SLIT3: variants seen among roughly 807,000 people sequenced by gnomAD.
The protein encoded by SLIT3 is slit guidance ligand 3, also known as slit homolog 3 protein.
In SLIT3, 68 loss-of-function variants were observed where a neutral mutation model predicts 184.0. The ratio of observed to expected loss-of-function variants is 0.37; its 90% confidence interval spans 0.30 to 0.45. The LOEUF (loss-of-function observed/expected upper bound fraction) is 0.45. Ranked by LOEUF, SLIT3 falls within the 20% of genes least tolerant of loss-of-function variation. SLIT3 has a pLI of 1.00. For synonymous variants in SLIT3, 831 were observed against 828.6 expected, an observed-to-expected ratio of 1.00 and a Z score of -0.05; for missense variants, 1,707 against 2,026.0, an observed-to-expected ratio of 0.84 and a Z score of 3.02.
intron 4 of SLIT3, among the ~76,000 whole-genome samples, chr5:169,099,223 C>T (rs763883691): frequency 1.2e-4 from 18 of 152,148 alleles, no homozygotes; most frequent in Non-Finnish European, 1.8e-4. Context: ...TCTCAGGTTA[C>T]GGTTTGTGTT....
intron 4 of SLIT3, among the ~76,000 whole-genome samples, chr5:169,068,465 G>A (rs1758432967): frequency 6.6e-6 from 1 of 152,090 alleles, no homozygotes. Flanking sequence ...GAAGCCTGGG[G>A]CCAAGTCAGA....
chr5:169,220,482 C>T (rs1464245417), intron 3 of SLIT3, among the ~76,000 whole-genome samples: 1 of 152,114 alleles, frequency 6.6e-6, no homozygotes. Flanking sequence ...AAATGATTCT[C>T]TTCTCCAACT....
At chr5:168,918,583 G>A (rs970383576) in intron 4 of SLIT3, among the ~76,000 whole-genome samples, 1 of 152,156 alleles carries the variant, frequency 6.6e-6, no homozygotes, top group African/African-American at 2.4e-5. Context: ...CATTTATTAT[G>A]CTCAGGTGGA....
At chr5:168,974,241 C>G (rs1358288743) in intron 4 of SLIT3, among the ~76,000 whole-genome samples, 1 of 152,188 alleles carries the variant, frequency 6.6e-6, no homozygotes, top group Non-Finnish European at 1.5e-5. Flanking sequence ...ACTGCCTTCT[C>G]CTGCTTCACA....
intron 4 of SLIT3, among the ~76,000 whole-genome samples, chr5:169,130,005 C>T (rs769116918): frequency 2.0e-5 from 3 of 152,104 alleles, no homozygotes; most frequent in Non-Finnish European, 4.4e-5. Flanking sequence ...CCCACAACTG[C>T]GCCGGGCTAA....
At chr5:168,708,171 G>C (rs781003966) in intron 25 of SLIT3, 71 bp from the exon 26 acceptor site, 1 of 1,606,478 alleles carries the variant, frequency 6.2e-7, no homozygotes, top group South Asian at 1.1e-5. Context: ...CTTCCCCTCT[G>C]CTCTGGGCCC....
At chr5:169,207,144 C>T (rs1163343916) in intron 3 of SLIT3, among the ~76,000 whole-genome samples, 3 of 151,686 alleles carry the variant, frequency 2.0e-5, no homozygotes, top group African/African-American at 4.8e-5. Flanking sequence ...TAAGAGCCCC[C>T]GCTCACCTCG....
intron 4 of SLIT3, among the ~76,000 whole-genome samples, chr5:168,952,375 C>A (rs1489666934): frequency 6.6e-6 from 1 of 152,032 alleles, no homozygotes; most frequent in Admixed American, 6.5e-5. Context: ...GAGCTCAGCT[C>A]ACGTTTACAT....
intron 4 of SLIT3, among the ~76,000 whole-genome samples, chr5:168,886,300 G>A (rs564647305): frequency 6.7e-4 from 102 of 152,276 alleles, no homozygotes; most frequent in African/African-American, 2.2e-3. Context: ...CTGATGGGGC[G>A]TGGAGGAGGG....
At chr5:168,837,417 G>T (rs1219202132) in intron 6 of SLIT3, among the ~76,000 whole-genome samples, 1 of 152,206 alleles carries the variant, frequency 6.6e-6, no homozygotes, top group South Asian at 2.1e-4. Context: ...CTGTAGCTCC[G>T]ATTTTGTTCC....
chr5:168,819,875 G>A (rs10475894), intron 7 of SLIT3, among the ~76,000 whole-genome samples: 74,259 of 151,868 alleles, frequency 0.49, 19,389 homozygotes, highest in African/African-American at 0.67. Context: ...AGCACCAGAG[G>A]AAAGAGGTGA....
At chr5:169,292,303 A>G (rs939846095) in intron 1 of SLIT3, among the ~76,000 whole-genome samples, 8 of 152,242 alleles carry the variant, frequency 5.3e-5, no homozygotes, top group African/African-American at 1.9e-4. Flanking sequence ...TACATGCGTC[A>G]TATCCTGTGT....
At chr5:168,895,613 A>G (rs1760633497) in intron 4 of SLIT3, among the ~76,000 whole-genome samples, 1 of 152,218 alleles carries the variant, frequency 6.6e-6, no homozygotes, top group South Asian at 2.1e-4. Flanking sequence ...GATGAAATAT[A>G]TAGGAGCTTA....
At chr5:168,835,498 G>GT (rs1427249865) in intron 6 of SLIT3, among the ~76,000 whole-genome samples, 3 of 150,434 alleles carry the variant, frequency 2.0e-5, no homozygotes, top group African/African-American at 4.9e-5. Flanking sequence ...AAAAAGTGTT[G>GT]TTTTTTTGTT....
rs376112126 is a variant in SLIT3 at position 168,685,774 on chromosome 5, C to T, written c.3468G>A (p.Lys1156=). ...PPGFAGPRCE[K]LITVNFVGKD... is the part of the protein sequence containing the mutation. ...TGCCCACGAAGTTGACAGTGATGAG[C>T]TTCTCGCATCTGGGGCCGGCGAAGC... is the stretch of plus-strand genomic sequence containing the variant. The change falls in exon 31 of 36, where the codon AAG becomes AAA. Residue 1156 remains lysine (K), a synonymous_variant. Transcript: ENST00000519560. 1.1e-5 allele frequency: 17 copies of T among 1,612,082 alleles called. No individual in the cohort carries two copies. The highest frequency in any genetic ancestry group is 2.7e-5 in the African/African-American group (2 of 74,936).
intron 4 of SLIT3, among the ~76,000 whole-genome samples, chr5:168,997,869 C>T (rs574932071): frequency 3.3e-5 from 5 of 152,230 alleles, no homozygotes; most frequent in South Asian, 2.1e-4. Flanking sequence ...TCACATCCAC[C>T]GCAACCCTTG....
intron 4 of SLIT3, among the ~76,000 whole-genome samples, chr5:169,032,922 ATTTT>A (rs199911562): frequency 0.022 from 1,895 of 87,974 alleles, 28 homozygotes; most frequent in African/African-American, 0.074. Context: ...TTTTTCCTTG[ATTTT>A]TTTTTTTTTT....
At chr5:169,044,489 G>A (rs979519395) in intron 4 of SLIT3, among the ~76,000 whole-genome samples, 11 of 149,682 alleles carry the variant, frequency 7.3e-5, no homozygotes, top group Non-Finnish European at 5.9e-5. Flanking sequence ...GACATAAAAG[G>A]CCACATACTG....
chr5:169,005,715 G>T (rs1755895110), intron 4 of SLIT3, among the ~76,000 whole-genome samples: 1 of 152,200 alleles, frequency 6.6e-6, no homozygotes, highest in African/African-American at 2.4e-5. Context: ...CTATGTTCCA[G>T]ACACTTTATA....
Sources: allele counts gnomAD v4.1 joint callset (sites outside exome capture counted in the v4.1 genomes callset), GRCh38; gene constraint gnomAD v4.1.1; transcripts MANE v1.5; gene names NCBI Gene and HGNC (gene_info 2026-07-23, HGNC 2026-07-21).